Variants in SDK1 observed in about 807,000 individuals in gnomAD.
SDK1 encodes sidekick cell adhesion molecule 1.
Under a neutral mutation model 245.5 loss-of-function variants are expected in SDK1, and 157 were observed. The observed-to-expected ratio is 0.64, with a 90% CI of 0.56 to 0.73. The LOEUF is 0.73. Ranked by LOEUF, SDK1 falls within the 30% of genes least tolerant of loss-of-function variation. The probability of loss-of-function intolerance (pLI) is 0.00; values close to 1 mark genes in which losing one functional copy is unlikely to be tolerated. For synonymous variants in SDK1, 1,647 were observed against 1,278.5 expected (o/e 1.29, Z -6.15); for missense variants, 3,583 against 3,002.3 (o/e 1.19, Z -4.52).
intron 4 of SDK1, among the ~76,000 whole-genome samples, chr7:3,670,445 T>G (rs2128662534): frequency 6.6e-6 from 1 of 152,312 alleles, no homozygotes; most frequent in Middle Eastern, 3.4e-3. Context: ...CTTAGACAAG[T>G]TCTTAAACAA....
At chr7:3,724,739 G>C (rs181892266) in intron 4 of SDK1, among the ~76,000 whole-genome samples, 80 of 152,260 alleles carry the variant, frequency 5.3e-4, no homozygotes, top group African/African-American at 1.0e-3. Flanking sequence ...CTGTCTACCA[G>C]CTCGCCTGCA....
intron 1 of SDK1, among the ~76,000 whole-genome samples, chr7:3,464,282 C>G (rs774551143): frequency 5.9e-5 from 9 of 152,070 alleles, no homozygotes; most frequent in Non-Finnish European, 1.2e-4. Context: ...CTAACACTTT[C>G]GGAGGCCAAG....
intron 1 of SDK1, among the ~76,000 whole-genome samples, chr7:3,339,343 TAATA>T (rs879322856): frequency 9.9e-5 from 15 of 152,122 alleles, no homozygotes; most frequent in Non-Finnish European, 1.5e-4. Flanking sequence ...TAAATAAATG[TAATA>T]AATAACTGAA....
At chr7:3,806,764 A>G (rs1259151009) in intron 4 of SDK1, among the ~76,000 whole-genome samples, 3 of 151,400 alleles carry the variant, frequency 2.0e-5, no homozygotes, top group African/African-American at 7.3e-5. Flanking sequence ...TGTCATGGAA[A>G]TGAACTGCAC....
At chr7:4,083,023 G>A (rs1402564883) in intron 22 of SDK1, among the ~76,000 whole-genome samples, 4 of 152,104 alleles carry the variant, frequency 2.6e-5, no homozygotes, top group East Asian at 1.9e-4. Flanking sequence ...TAGGATTCAC[G>A]CAGGGTTCAC....
intron 1 of SDK1, among the ~76,000 whole-genome samples, chr7:3,438,312 C>A (rs1048076784): frequency 2.0e-5 from 3 of 152,172 alleles, no homozygotes; most frequent in African/African-American, 7.2e-5. Context: ...TGCCTGTTGT[C>A]TCTGCTATAT....
intron 5 of SDK1, among the ~76,000 whole-genome samples, chr7:3,839,587 AT>A (rs1780107216): frequency 6.6e-6 from 1 of 152,226 alleles, no homozygotes; most frequent in Admixed American, 6.5e-5. Flanking sequence ...AAACAAAAAA[AT>A]AGAAATAAAA....
chr7:3,865,683 CT>C (rs546927109), intron 5 of SDK1, among the ~76,000 whole-genome samples: 404 of 140,306 alleles, frequency 2.9e-3, no homozygotes, highest in Middle Eastern at 3.8e-3. Flanking sequence ...TTATTTTTTT[CT>C]TTTTTTTTTT....
intron 11 of SDK1, 149 bp downstream of exon 11, chr7:3,969,573 G>A: frequency 3.6e-6 from 2 of 551,022 alleles, no homozygotes; most frequent in Non-Finnish European, 2.8e-6. Flanking sequence ...ATAGAAATCT[G>A]TTGAGAAATT....
intron 16 of SDK1, among the ~76,000 whole-genome samples, chr7:4,012,585 T>G (rs2128149863): frequency 8.2e-6 from 1 of 121,222 alleles, no homozygotes; most frequent in Admixed American, 8.8e-5. Context: ...TTTTTTTTTT[T>G]TTTTTTTGAT....
At chr7:3,439,802 G>T (rs1780141007) in intron 1 of SDK1, among the ~76,000 whole-genome samples, 1 of 152,170 alleles carries the variant, frequency 6.6e-6, no homozygotes. Flanking sequence ...AGTGAGAATG[G>T]CCATGACAGC....
chr7:3,526,472 A>G (rs1783137297), intron 1 of SDK1, among the ~76,000 whole-genome samples: 2 of 152,224 alleles, frequency 1.3e-5, no homozygotes, highest in South Asian at 4.1e-4. Context: ...TTTCTATAAC[A>G]TATAGTTTCC....
chr7:4,217,044 CGGAGCACCACACCA>C (rs1784842933), intron 38 of SDK1, among the ~76,000 whole-genome samples: 3 of 54,008 alleles, frequency 5.6e-5, no homozygotes, highest in Admixed American at 1.7e-4. Flanking sequence ...CCAGGCCACC[CGGAGCACCACACCA>C]CCCGGAGCAC....
intron 1 of SDK1, among the ~76,000 whole-genome samples, chr7:3,603,908 T>C (rs1007597184): frequency 6.6e-6 from 1 of 152,258 alleles, no homozygotes; most frequent in Non-Finnish European, 1.5e-5. Flanking sequence ...TTGAATTTTG[T>C]CAAAGGCCTT....
intron 4 of SDK1, among the ~76,000 whole-genome samples, chr7:3,777,429 C>T (rs184399947): frequency 1.4e-4 from 22 of 152,260 alleles, no homozygotes; most frequent in East Asian, 1.4e-3. Flanking sequence ...TCGTCAGGGC[C>T]GGTAGGATGG....
chr7:3,370,834 A>T (rs1278820565), intron 1 of SDK1, among the ~76,000 whole-genome samples: 3 of 152,126 alleles, frequency 2.0e-5, no homozygotes, highest in Non-Finnish European at 2.9e-5. Context: ...GAGTGGTCCA[A>T]GTTTGTCATT....
rs759882865 is a variant in SDK1, at chr7:4,077,042, C to G, written c.3055C>G (p.Leu1019Val). The change falls in exon 21 of 45, where the codon CTC becomes GTC. Residue 1019 changes from leucine (L) to valine (V), a missense_variant. Transcript: ENST00000404826. The stretch of plus-strand genomic sequence containing the variant: ...AGTGTACGGCAGGAACGACTCTCGT[C>G]TCACGCACACCCTGAACAGCACGAC... ...WEVYGRNDSR[L>V]THTLNSTTHE... The G allele has an allele frequency of 1.2e-6, 2 of 1,614,202 alleles. No individual in the cohort carries two copies. Among genetic ancestry groups the G allele is most frequent in the East Asian group, 2.2e-5 (1 of 44,876 alleles).
rs555614848 is a variant in SDK1 at position 4,136,230 on chromosome 7, GT to G, written c.4228+3808del. On this transcript the variant is annotated intron_variant, in intron 28 of 44. Transcript: ENST00000404826. ...TTGGCTTGTAATTGTAATGCATGTT[GT>G]CCGGGTAACCTGTCACCCATGGGTC... Among the ~76,000 whole-genome samples, 268 of 152,296 alleles carry G rather than the reference GT, an allele frequency of 1.8e-3. 3 individuals are homozygous for G. Among genetic ancestry groups the G allele is most frequent in the African/African-American group, 6.2e-3 (256 of 41,550 alleles).
rs146466115 is a variant in SDK1 at position 3,948,067 on chromosome 7, C to T, written c.848-2856C>T. On this transcript the variant is annotated intron_variant, in intron 5 of 44. Transcript: ENST00000404826. ...CCAGGATCATGTACTACAATGAGCA[C>T]TATCCTTGCTATTGAAATATCTGGA... 2.7e-3 allele frequency among the ~76,000 whole-genome samples: 405 copies of T among 152,254 alleles called. 3 individuals are homozygous for T. Among genetic ancestry groups the T allele is most frequent in the African/African-American group, 9.2e-3 (382 of 41,548 alleles).
Sources: allele counts gnomAD v4.1 joint callset (sites outside exome capture counted in the v4.1 genomes callset), GRCh38; gene constraint gnomAD v4.1.1; transcripts MANE v1.5; gene names NCBI Gene and HGNC (gene_info 2026-07-23, HGNC 2026-07-21).